The following PACRG variants were observed in gnomAD, a reference collection of about 807,000 sequenced individuals.
PACRG encodes the protein parkin coregulated, also known as parkin coregulated gene protein.
PACRG carries 29 observed loss-of-function variants against 29.7 expected under a neutral mutation model. The observed-to-expected ratio is 0.98, with a 90% CI of 0.73 to 1.33. The LOEUF is 1.33. PACRG is among the 40% of genes most tolerant of loss of function. The pLI, the probability that PACRG is intolerant of heterozygous loss-of-function variation, is 0.00. For missense variants in PACRG, 279 were observed against 316.2 expected (o/e 0.88, Z 0.89); for synonymous variants, 116 against 118.7 (o/e 0.98, Z 0.15).
At chr6:163,126,870 G>A (rs1013816157) in intron 4 of PACRG, among the ~76,000 whole-genome samples, 5 of 152,220 alleles carry the variant, frequency 3.3e-5, no homozygotes, top group Admixed American at 6.5e-5. Context: ...GTGTTGACCC[G>A]AAGGGGAGTC....
intron 2 of PACRG, chr6:163,042,519 T>G (rs73783997): frequency 6.6e-6 from 1 of 152,320 alleles, no homozygotes; most frequent in African/African-American, 2.4e-5. Context: ...ACTAAGAAGT[T>G]CAGTCTTTCT....
intron 1 of PACRG, among the ~76,000 whole-genome samples, chr6:162,750,040 A>G (rs1781400928): frequency 6.6e-6 from 1 of 152,154 alleles, no homozygotes; most frequent in Non-Finnish European, 1.5e-5. Context: ...ATTGTTGATT[A>G]CCCAATGTGT....
chr6:162,775,568 TA>T (rs1783579764), intron 1 of PACRG, among the ~76,000 whole-genome samples: 2 of 152,200 alleles, frequency 1.3e-5, no homozygotes, highest in Non-Finnish European at 2.9e-5. Context: ...ATGCTTATAA[TA>T]AATAGCATAA....
chr6:163,006,010 T>C (rs1465420650), intron 2 of PACRG, among the ~76,000 whole-genome samples: 1 of 136,030 alleles, frequency 7.4e-6, no homozygotes, highest in Non-Finnish European at 1.5e-5. Flanking sequence ...AACATTTATA[T>C]GTTATATACA....
chr6:163,177,676 C>G (rs1190449558), intron 4 of PACRG, among the ~76,000 whole-genome samples: 1 of 125,050 alleles, frequency 8.0e-6, no homozygotes, highest in African/African-American at 3.0e-5. Flanking sequence ...GAAGGAGAGA[C>G]TAAAAGAGTG....
chr6:163,082,312 G>T (rs187741312), intron 3 of PACRG, among the ~76,000 whole-genome samples: 305 of 152,228 alleles, frequency 2.0e-3, no homozygotes, highest in Admixed American at 3.5e-3. Flanking sequence ...GATGGCAATT[G>T]TCTGCCAAAT....
intron 2 of PACRG, among the ~76,000 whole-genome samples, chr6:162,895,694 T>A (rs1490390432): frequency 6.6e-6 from 1 of 152,342 alleles, no homozygotes; most frequent in Admixed American, 6.5e-5. Context: ...TTTTTACATA[T>A]GAATAGCAAT....
chr6:163,305,839 C>T (rs71567698), intron 4 of PACRG, among the ~76,000 whole-genome samples: 12,252 of 152,246 alleles, frequency 0.08, 530 homozygotes, highest in Non-Finnish European at 0.098. Flanking sequence ...GCAGTGGCTA[C>T]AGTATCTCCC....
chr6:163,079,757 A>C (rs2128289471), intron 3 of PACRG, among the ~76,000 whole-genome samples: 1 of 152,148 alleles, frequency 6.6e-6, no homozygotes, highest in East Asian at 1.9e-4. Flanking sequence ...TATTTTGTGC[A>C]CATCTCTTGT....
At chr6:163,223,661 G>T (rs1274078923) in intron 4 of PACRG, among the ~76,000 whole-genome samples, 1 of 152,202 alleles carries the variant, frequency 6.6e-6, no homozygotes, top group Non-Finnish European at 1.5e-5. Context: ...TTGGAAGAGG[G>T]AACAGGAAAG....
intron 1 of PACRG, among the ~76,000 whole-genome samples, chr6:162,782,377 A>T (rs1784159288): frequency 6.6e-6 from 1 of 151,922 alleles, no homozygotes; most frequent in Non-Finnish European, 1.5e-5. Flanking sequence ...TTTTATTACA[A>T]AAGATGTGAA....
At chr6:163,285,542 T>G (rs1784370132) in intron 4 of PACRG, among the ~76,000 whole-genome samples, 1 of 152,204 alleles carries the variant, frequency 6.6e-6, no homozygotes, top group Non-Finnish European at 1.5e-5. Flanking sequence ...ATCTTTAATC[T>G]CTGCTTCACA....
At chr6:163,062,362 T>C in intron 3 of PACRG, 41 bp downstream of exon 3, 4 of 1,544,866 alleles carry the variant, frequency 2.6e-6, no homozygotes, top group Non-Finnish European at 3.5e-6. Context: ...GTTTATACGG[T>C]GTTGCTTTTT....
upstream of PACRG, chr6:162,727,822 G>T: frequency 1.4e-6 from 1 of 734,386 alleles, no homozygotes; most frequent in Non-Finnish European, 2.2e-6. Flanking sequence ...CGGAGGGCGC[G>T]GCCCAGGGCC....
At position 162,932,278 on chromosome 6, in the gene PACRG, A is replaced by G. The variant is rs535194763; in HGVS notation, c.291+117997A>G. ...GGTAAGAGAGGAATCGTAAAGAAGC[A>G]TGAGAAAACTTTTGGGGTTGATGGG... On this transcript the variant is annotated intron_variant, in intron 2 of 4. Coordinates refer to ENST00000366888, the MANE Select transcript of PACRG (RefSeq NM_001080379.2). Among the ~76,000 whole-genome samples, 9 of 152,096 alleles carry G rather than the reference A, an allele frequency of 5.9e-5. No individual in the cohort carries two copies. In the South Asian group the frequency reaches 1.2e-3, roughly 21 times the overall value.
At chr6:162,824,495 T>C (rs888805156) in intron 2 of PACRG, among the ~76,000 whole-genome samples, 2 of 152,222 alleles carry the variant, frequency 1.3e-5, no homozygotes, top group Non-Finnish European at 2.9e-5. Flanking sequence ...CATTTGTTAT[T>C]ATACAGATTT....
intron 2 of PACRG, among the ~76,000 whole-genome samples, chr6:162,828,363 T>C (rs11963648): frequency 0.26 from 39,470 of 152,124 alleles, 6,619 homozygotes; most frequent in African/African-American, 0.46. Flanking sequence ...CATATTTAAA[T>C]TGCATTCTTA....
intron 4 of PACRG, among the ~76,000 whole-genome samples, chr6:163,176,564 A>T (rs1349377769): frequency 6.6e-6 from 1 of 151,852 alleles, no homozygotes; most frequent in Non-Finnish European, 1.5e-5. Flanking sequence ...GGGGAGGGAA[A>T]GACGAAGGCA....
At chr6:163,108,521 T>C (rs1409945028) in intron 4 of PACRG, among the ~76,000 whole-genome samples, 3 of 150,788 alleles carry the variant, frequency 2.0e-5, no homozygotes, top group Non-Finnish European at 4.4e-5. Context: ...AGTCCCTGAG[T>C]AGCTGGGACC....
Sources: allele counts gnomAD v4.1 joint callset (sites outside exome capture counted in the v4.1 genomes callset), GRCh38; gene constraint gnomAD v4.1.1; transcripts MANE v1.5; gene names NCBI Gene and HGNC (gene_info 2026-07-23, HGNC 2026-07-21).